Variants in TAF2 observed in about 807,000 individuals in gnomAD.
The protein encoded by TAF2 is transcription initiation factor TFIID subunit 2.
In TAF2, 61 loss-of-function variants were observed where a neutral mutation model predicts 138.5. The ratio of observed to expected loss-of-function variants is 0.44; its 90% confidence interval spans 0.36 to 0.54. The LOEUF (loss-of-function observed/expected upper bound fraction) is 0.54, where lower values mean the gene tolerates loss of function less well. Among genes scored for constraint, TAF2 ranks in the 20% least tolerant of loss-of-function variants. The pLI is 0.00. For missense variants in TAF2, 1,090 were observed against 1,427.9 expected, an observed-to-expected ratio of 0.76 and a Z score of 3.81; for synonymous variants, 475 against 469.9, an observed-to-expected ratio of 1.01 and a Z score of -0.14.
Position 119,800,669 on chromosome 8 carries a change from GTAAGCAAAACCAACACAAAATATCC to G in TAF2, c.792+1100_792+1124del, listed in dbSNP as rs1251062353. On this transcript the variant is annotated intron_variant, in intron 6 of 25. Transcript: ENST00000378164. ...TAAAAAGAGTCATTGTTAAGACAAC[GTAAGCAAAACCAACACAAAATATCC>G]TGAATCTTTTCCACGAGTGATTTTA... Among the ~76,000 whole-genome samples the G allele has an allele frequency of 3.3e-5, 5 of 152,126 alleles. No homozygotes were observed. The South Asian group carries it at 6.2e-4, about 19-fold the overall frequency.
At chr8:119,802,742 G>C (rs145050291) in intron 5 of TAF2, among the ~76,000 whole-genome samples, 2,448 of 152,212 alleles carry the variant, frequency 0.016, 24 homozygotes, top group Non-Finnish European at 0.025. Context: ...GTGAAACCCT[G>C]TCTCTACTAA....
At chr8:119,830,671 A>G (rs1338129862) in intron 2 of TAF2, among the ~76,000 whole-genome samples, 2 of 152,254 alleles carry the variant, frequency 1.3e-5, no homozygotes, top group African/African-American at 4.8e-5. Flanking sequence ...CTATCTATTC[A>G]GCTTATCCTA....
rs972004999 is a variant in TAF2, at chr8:119,762,401, G to T, written c.2558+14C>A. 2 of 1,611,036 alleles carry T rather than the reference G, an allele frequency of 1.2e-6. No homozygotes were observed. The highest frequency in any genetic ancestry group is 1.7e-6 in the Non-Finnish European group (2 of 1,177,834). ...TAAGAACATATAACTTTAAAGTAAG[G>T]AATTTAATCATACCTGACAGTGATG... On this transcript the variant is annotated intron_variant, in intron 19 of 25. Coordinates refer to ENST00000378164, the MANE Select transcript of TAF2 (RefSeq NM_003184.4).
chr8:119,786,221 C>G (rs1283443050), intron 14 of TAF2, among the ~76,000 whole-genome samples: 1 of 151,994 alleles, frequency 6.6e-6, no homozygotes, highest in African/African-American at 2.4e-5. Flanking sequence ...AGAAAAGTGG[C>G]AATTTGCCTT....
At chr8:119,745,566 G>A (rs1819903674) in intron 23 of TAF2, among the ~76,000 whole-genome samples, 1 of 152,064 alleles carries the variant, frequency 6.6e-6, no homozygotes, top group Admixed American at 6.5e-5. Flanking sequence ...ATTTTAAAGT[G>A]TCAAAACACC....
intron 2 of TAF2, among the ~76,000 whole-genome samples, chr8:119,829,572 C>T (rs562468582): frequency 1.4e-4 from 22 of 151,806 alleles, no homozygotes; most frequent in African/African-American, 5.1e-4. Context: ...TATATATACA[C>T]ATACATATAT....
At position 119,730,967 on chromosome 8, in the gene TAF2, A is replaced by G. The variant is rs1229304969; in HGVS notation, c.*957T>C. Reference sequence around the variant, plus strand: ...GAAATAAAAACACACCACCATATAAAGAAATCAAAATATTTCATATGTTTT... The same window carrying G: ...GAAATAAAAACACACCACCATATAAGGAAATCAAAATATTTCATATGTTTT... On this transcript the variant is annotated 3_prime_UTR_variant, in exon 26 of 26. Coordinates refer to ENST00000378164, the MANE Select transcript of TAF2 (RefSeq NM_003184.4). 3.9e-5 allele frequency: 6 copies of G among 152,218 alleles called. No individual in the cohort carries two copies. The highest frequency in any genetic ancestry group is 8.8e-5 in the Non-Finnish European group (6 of 68,028). The allele number at this position is 152,218 out of a possible 1,614,324, so 9.4% of individuals were successfully genotyped here.
chr8:119,749,132 G>A (rs1435932300), intron 22 of TAF2, among the ~76,000 whole-genome samples: 1 of 152,310 alleles, frequency 6.6e-6, no homozygotes, highest in East Asian at 1.9e-4. Flanking sequence ...GACAAATTGA[G>A]TATGTGTATT....
chr8:119,815,782 C>T (rs946692230), intron 3 of TAF2, among the ~76,000 whole-genome samples: 10 of 152,184 alleles, frequency 6.6e-5, no homozygotes, highest in African/African-American at 2.4e-4. Context: ...AATCTATCTA[C>T]AATCCATAAG....
intron 4 of TAF2, 83 bp from the exon 5 acceptor site, chr8:119,804,102 T>G (rs1824451550): frequency 6.6e-7 from 1 of 1,504,556 alleles, no homozygotes; most frequent in Non-Finnish European, 9.2e-7. Context: ...ATGCTGAACA[T>G]GAAATGGAAT....
intron 18 of TAF2, among the ~76,000 whole-genome samples, chr8:119,765,782 G>C (rs975561878): frequency 6.6e-6 from 1 of 152,180 alleles, no homozygotes; most frequent in African/African-American, 2.4e-5. Context: ...TGTTGCAACT[G>C]CTAATGATAG....
chr8:119,765,298 G>C (rs1563845996), intron 18 of TAF2, among the ~76,000 whole-genome samples: 2 of 151,812 alleles, frequency 1.3e-5, no homozygotes, highest in African/African-American at 4.8e-5. Flanking sequence ...AAGCAAAACA[G>C]AAAAAAGAGT....
intron 18 of TAF2, chr8:119,767,178 AT>A (rs1821490083): frequency 6.6e-6 from 1 of 152,206 alleles, no homozygotes; most frequent in Non-Finnish European, 1.5e-5. Flanking sequence ...AAAAATATAG[AT>A]TAATATATTA....
chr8:119,760,388 C>T, intron 20 of TAF2: 1 of 537,286 alleles, frequency 1.9e-6, no homozygotes, highest in Non-Finnish European at 3.2e-6. Flanking sequence ...CTTGGAAAGG[C>T]TAAAGATACC....
chr8:119,732,331 G>T, intron 25 of TAF2, 145 bp from the exon 26 acceptor site: 1 of 744,660 alleles, frequency 1.3e-6, no homozygotes, highest in Non-Finnish European at 2.3e-6. Flanking sequence ...ATCTAAATAA[G>T]ACATGTAATT....
At chr8:119,762,905 G>T in intron 18 of TAF2, 1 of 214,634 alleles carries the variant, frequency 4.7e-6, no homozygotes, top group Non-Finnish European at 9.3e-6. Context: ...ACAGAAAAGA[G>T]AAGGAAGCCA....
chr8:119,789,663 G>A lies in TAF2; in HGVS notation c.1497C>T (p.Ser499=), dbSNP rs1289449264. Residue 499 remains serine (S), a synonymous_variant, in exon 12 of 26, where the codon TCC becomes TCT. Transcript: ENST00000378164. ...AAATGGATTTCAAAAACCCAGATGT[G>A]GAAACCAACATCTGACTCCACATAT... ...QSHMWSQMLV[S]TSGFLKSISN... 2 of 1,613,774 alleles carry A rather than the reference G, an allele frequency of 1.2e-6. No homozygotes were observed. Among genetic ancestry groups the A allele is most frequent in the Non-Finnish European group, 1.7e-6 (2 of 1,179,916 alleles).
intron 3 of TAF2, among the ~76,000 whole-genome samples, chr8:119,806,867 G>C (rs569070692): frequency 6.6e-6 from 1 of 152,184 alleles, no homozygotes; most frequent in East Asian, 1.9e-4. Flanking sequence ...GTAATGGTTT[G>C]CTCTACTCAC....
intron 17 of TAF2, 48 bp downstream of exon 17, chr8:119,781,005 A>T: frequency 6.4e-7 from 1 of 1,571,308 alleles, no homozygotes; most frequent in Non-Finnish European, 8.7e-7. Flanking sequence ...TCTCCAACTT[A>T]AACTGAAATA....
Sources: allele counts gnomAD v4.1 joint callset (sites outside exome capture counted in the v4.1 genomes callset), GRCh38; gene constraint gnomAD v4.1.1; transcripts MANE v1.5; gene names NCBI Gene and HGNC (gene_info 2026-07-23, HGNC 2026-07-21).